The following CORO2B variants were observed in gnomAD, a reference collection of about 807,000 sequenced individuals.
CORO2B encodes the protein coronin-2B.
In CORO2B, 26 loss-of-function variants were observed where a neutral mutation model predicts 58.8. The observed-to-expected ratio is 0.44, with a 90% CI of 0.32 to 0.61. The LOEUF is 0.61. Among genes scored for constraint, CORO2B ranks in the 20% least tolerant of loss-of-function variants. CORO2B has a pLI of 0.04. For missense variants in CORO2B, 460 were observed against 645.1 expected, an observed-to-expected ratio of 0.71 and a Z score of 3.11; for synonymous variants, 242 against 253.8, an observed-to-expected ratio of 0.95 and a Z score of 0.44.
At chr15:68,574,921 T>C (rs756503894), upstream of CORO2B, among the ~76,000 whole-genome samples, 2 of 152,096 alleles carry the variant, frequency 1.3e-5, no homozygotes, top group Non-Finnish European at 2.9e-5. Flanking sequence ...GCCTAAAGCA[T>C]TGAGGCATGA....
chr15:68,547,126 G>A, the CORO2B span, among the ~76,000 whole-genome samples: 4 of 152,180 alleles, frequency 2.6e-5, no homozygotes, highest in African/African-American at 9.7e-5. Flanking sequence ...GCAAATAGGA[G>A]GTCCAGGATA....
At position 68,645,410 on chromosome 15, in the gene CORO2B, G is replaced by T; in HGVS notation, c.216+50G>T. ...AGCTGCAGCTCCAGGGCAGAGAGGA[G>T]CCCTCCTTGGTCTCTCTTAGGCCTG... On this transcript the variant is annotated intron_variant, in intron 2 of 11. Coordinates refer to ENST00000261861, the MANE Select transcript of CORO2B (RefSeq NM_006091.5). This position sits in a 1 kb window ranked among gnomAD's most constrained non-coding sequence, Gnocchi z 4.5. The T allele has an allele frequency of 1.9e-6, 3 of 1,572,260 alleles. No homozygotes were observed. Among genetic ancestry groups the T allele is most frequent in the Non-Finnish European group, 2.6e-6 (3 of 1,154,464 alleles).
chr15:68,544,376 A>G, the CORO2B span, among the ~76,000 whole-genome samples: 1 of 152,200 alleles, frequency 6.6e-6, no homozygotes, highest in Non-Finnish European at 1.5e-5. Context: ...ACATGGACTG[A>G]GTCCCTCGTT....
chr15:68,654,581 C>T (rs756800353), intron 2 of CORO2B, among the ~76,000 whole-genome samples: 1 of 152,224 alleles, frequency 6.6e-6, no homozygotes, highest in Non-Finnish European at 1.5e-5. Flanking sequence ...GAAGTTGTAG[C>T]TCCACCCCTT....
In CORO2B at chr15:68,618,937, C is replaced by T. The variant is rs543966002; in HGVS notation, c.16-26223C>T. Among the ~76,000 whole-genome samples the T allele has an allele frequency of 2.7e-4, 41 of 152,210 alleles. No homozygotes were observed. The South Asian group carries it at 8.1e-3, about 30-fold the overall frequency. On this transcript the variant is annotated intron_variant, in intron 1 of 11. Transcript: ENST00000261861. ...TTGCGATTTTGAGAAAGGGAAGTGACGTGATCAAAAATTTATCTAGGAGAG... is the reference window on the plus strand; with the variant it reads ...TTGCGATTTTGAGAAAGGGAAGTGATGTGATCAAAAATTTATCTAGGAGAG...
At chr15:68,676,482 G>A (rs751207002) in intron 2 of CORO2B, among the ~76,000 whole-genome samples, 25 of 152,192 alleles carry the variant, frequency 1.6e-4, no homozygotes, top group Non-Finnish European at 3.1e-4. Flanking sequence ...AACCACCGCT[G>A]CCTAAACCCG....
At chr15:68,641,519 G>A in intron 1 of CORO2B, 1 of 985,316 alleles carries the variant, frequency 1.0e-6, no homozygotes, top group Non-Finnish European at 1.2e-6. Context: ...GGACGAGGAA[G>A]AGGTGAAGTC....
chr15:68,532,596 G>A, the CORO2B span, among the ~76,000 whole-genome samples: 3 of 152,010 alleles, frequency 2.0e-5, no homozygotes, highest in African/African-American at 7.3e-5. Flanking sequence ...TGCTAATCTT[G>A]TCATCTCTGT....
chr15:68,660,699 T>C (rs1901986524), intron 2 of CORO2B, among the ~76,000 whole-genome samples: 1 of 152,196 alleles, frequency 6.6e-6, no homozygotes, highest in African/African-American at 2.4e-5. Flanking sequence ...CCTTCACTCC[T>C]ACACACCTTT....
At chr15:68,721,879 C>G (rs1893170636) in intron 11 of CORO2B, among the ~76,000 whole-genome samples, 2 of 152,050 alleles carry the variant, frequency 1.3e-5, no homozygotes, top group South Asian at 4.2e-4. Context: ...TTCTGAGTAG[C>G]TGGAACTAGC....
At chr15:68,612,516 A>T (rs1900269161) in intron 1 of CORO2B, among the ~76,000 whole-genome samples, 1 of 152,140 alleles carries the variant, frequency 6.6e-6, no homozygotes, top group South Asian at 2.1e-4. Flanking sequence ...GAGCAGGAAA[A>T]CTGAGAGCTG....
At chr15:68,525,283 A>G in the CORO2B span, among the ~76,000 whole-genome samples, 8 of 152,348 alleles carry the variant, frequency 5.3e-5, no homozygotes, top group African/African-American at 1.9e-4. Flanking sequence ...GACAGATACA[A>G]ACTTCATTTT....
chr15:68,601,416 G>A (rs1026643476), intron 1 of CORO2B, among the ~76,000 whole-genome samples: 8 of 152,222 alleles, frequency 5.3e-5, no homozygotes, highest in African/African-American at 1.7e-4. Flanking sequence ...GGTAGGCACC[G>A]AGGATAAAAC....
chr15:68,563,550 A>G, the CORO2B span, among the ~76,000 whole-genome samples: 1 of 151,852 alleles, frequency 6.6e-6, no homozygotes, highest in Non-Finnish European at 1.5e-5. Flanking sequence ...AATTAAGTGG[A>G]GATAAATAGA....
At chr15:68,639,687 C>G (rs1901145771) in intron 1 of CORO2B, among the ~76,000 whole-genome samples, 1 of 152,204 alleles carries the variant, frequency 6.6e-6, no homozygotes, top group Admixed American at 6.5e-5. Flanking sequence ...CTTGAACCCC[C>G]CCAGGGATGG....
chr15:68,600,315 C>T (rs1165301522), intron 1 of CORO2B, among the ~76,000 whole-genome samples: 1 of 152,172 alleles, frequency 6.6e-6, no homozygotes, highest in Admixed American at 6.5e-5. Context: ...TCAATGTTTG[C>T]ATCTTTCCCA....
At chr15:68,568,676 G>A in the CORO2B span, among the ~76,000 whole-genome samples, 1 of 152,158 alleles carries the variant, frequency 6.6e-6, no homozygotes, top group African/African-American at 2.4e-5. Flanking sequence ...CCTGAGACTT[G>A]AGTGATTTTG....
chr15:68,710,829 A>G lies in CORO2B; in HGVS notation c.431A>G (p.Glu144Gly). ...HGHSRRVGLVEWHPTTNNILF... is the reference protein window; with the variant it reads ...HGHSRRVGLVGWHPTTNNILF... ...CACAGCCGGCGTGTGGGGCTGGTCG[A>G]GTGGCACCCCACCACCAACAACATC... Residue 144 changes from glutamate (E) to glycine (G), a missense_variant, in exon 4 of 12, where the codon GAG becomes GGG. Glu to Gly is a moderately conservative substitution (Grantham distance 98, BLOSUM62 -2). Coordinates refer to ENST00000261861, the MANE Select transcript of CORO2B (RefSeq NM_006091.5). The surrounding 1 kb of genome is among the most constrained non-coding windows in gnomAD (Gnocchi z 4.1). The G allele has an allele frequency of 6.2e-7, 1 of 1,611,238 alleles. No homozygotes were observed. Among genetic ancestry groups the G allele is most frequent in the Non-Finnish European group, 8.5e-7 (1 of 1,178,994 alleles).
At position 68,718,736 on chromosome 15, in the gene CORO2B, G is replaced by A. The variant is rs765673646; in HGVS notation, c.1006G>A (p.Glu336Lys). 1.2e-6 allele frequency: 2 copies of A among 1,614,062 alleles called. No individual in the cohort carries two copies. Among genetic ancestry groups the A allele is most frequent in the Middle Eastern group, 1.6e-4 (1 of 6,084 alleles). Residue 336 changes from glutamate to lysine, a missense_variant, in exon 9 of 12, where the codon GAG (glutamate) becomes AAG (lysine). By Grantham distance (56) the Glu-to-Lys change is moderately conservative (BLOSUM62 1). This residue lies in a region of CORO2B where 352 missense variants were observed against 543.0 expected (regional missense o/e 0.65). Coordinates refer to ENST00000261861, the MANE Select transcript of CORO2B (RefSeq NM_006091.5). ...GCACGGGCTGGATGTGTCAGCCTGCGAGGTGTTCCGCTTCTACAAGCTGGT... is the reference window on the plus strand; with the variant it reads ...GCACGGGCTGGATGTGTCAGCCTGCAAGGTGTTCCGCTTCTACAAGCTGGT... The part of the protein sequence containing the change: ...PKHGLDVSAC[E>K]VFRFYKLVTL...
Sources: gnomAD v4.1 joint callset for allele counts (sites outside exome capture counted in the v4.1 genomes callset) on GRCh38, gnomAD v4.1.1 for gene constraint, gnomAD v4.1.1 regional missense constraint, Gnocchi (gnomAD v3.1) non-coding constraint, MANE v1.5 for transcripts, NCBI Gene and HGNC (gene_info 2026-07-23, HGNC 2026-07-21) for gene names.